The following DLGAP2 variants were observed in gnomAD, a reference collection of about 807,000 sequenced individuals.
DLGAP2 encodes DLG associated protein 2.
Under a neutral mutation model 100.3 loss-of-function variants are expected in DLGAP2, and 26 were observed. That is an observed-to-expected ratio of 0.26 (90% CI 0.19 to 0.36). The LOEUF (loss-of-function observed/expected upper bound fraction) is 0.36, where lower values mean the gene tolerates loss of function less well. Ranked by LOEUF, DLGAP2 falls within the 10% of genes least tolerant of loss-of-function variation. The pLI, the probability that DLGAP2 is intolerant of heterozygous loss-of-function variation, is 1.00. For synonymous variants in DLGAP2, 886 were observed against 630.1 expected (o/e 1.41, Z -6.08); for missense variants, 1,858 against 1,453.2 (o/e 1.28, Z -4.53).
At position 983,637 on chromosome 8, in the gene DLGAP2, T is replaced by A. The variant is rs1800405449; in HGVS notation, c.73+75671T>A. ...AAAAAGAGGTAGCATTTATTTTAATTTTTTTTAATTAAAAGAAGTTTTTGG... is the reference window on the plus strand; with the variant it reads ...AAAAAGAGGTAGCATTTATTTTAATATTTTTTAATTAAAAGAAGTTTTTGG... On this transcript the variant is annotated intron_variant, in intron 2 of 14. Coordinates refer to ENST00000637795, the MANE Select transcript of DLGAP2 (RefSeq NM_001346810.2). Among the ~76,000 whole-genome samples, 8 of 152,266 alleles carry A rather than the reference T, an allele frequency of 5.3e-5. No individual in the cohort carries two copies. The South Asian group carries it at 1.7e-3, about 32-fold the overall frequency.
In DLGAP2 at chr8:1,509,877, C is replaced by A. The variant is rs1584968737; in HGVS notation, c.172+8446C>A. On this transcript the variant is annotated intron_variant, in intron 4 of 14. Coordinates refer to ENST00000637795, the MANE Select transcript of DLGAP2 (RefSeq NM_001346810.2). The stretch of plus-strand genomic sequence containing the variant: ...ACGCTGTGACCAGGTAACCCAGCAT[C>A]ACCTGTCCAGGTTTAAAGGTGCATT... 2.0e-5 allele frequency among the ~76,000 whole-genome samples: 3 copies of A among 152,298 alleles called. No individual in the cohort carries two copies. The South Asian group carries it at 6.2e-4, about 32-fold the overall frequency.
chr8:1,168,944 G>A lies in DLGAP2; in HGVS notation c.74-89907G>A, dbSNP rs557488981. 6.4e-5 allele frequency among the ~76,000 whole-genome samples: 9 copies of A among 141,076 alleles called. No individual in the cohort carries two copies. In the East Asian group the frequency reaches 1.6e-3, roughly 26 times the overall value. The allele number at this position is 141,076 out of a possible 152,430, so 92.6% of individuals were successfully genotyped here. A position where few individuals can be genotyped will look rare whatever the true frequency, so the allele number is the denominator to read the frequency against. On this transcript the variant is annotated intron_variant, in intron 2 of 14. Coordinates refer to ENST00000637795, the MANE Select transcript of DLGAP2 (RefSeq NM_001346810.2). ...CCATTGCTTTTGGTGTTTTAGACATGAAGTCCTTGCCCATGCCTATGTCCT... is the reference window on the plus strand; with the variant it reads ...CCATTGCTTTTGGTGTTTTAGACATAAAGTCCTTGCCCATGCCTATGTCCT...
chr8:1,038,066 G>A (rs1397888831), intron 2 of DLGAP2, among the ~76,000 whole-genome samples: 1 of 152,228 alleles, frequency 6.6e-6, no homozygotes, highest in Non-Finnish European at 1.5e-5. Context: ...TTTGTCGTTG[G>A]TGTCCTCGGA....
chr8:1,572,179 G>T (rs1802739365), intron 6 of DLGAP2, among the ~76,000 whole-genome samples: 2 of 120,010 alleles, frequency 1.7e-5, no homozygotes, highest in Non-Finnish European at 1.7e-5. Flanking sequence ...GGGGGTGTCT[G>T]ATGAGATGGA....
chr8:800,887 C>G (rs1796137364), intron 1 of DLGAP2, among the ~76,000 whole-genome samples: 1 of 152,126 alleles, frequency 6.6e-6, no homozygotes, highest in South Asian at 2.1e-4. Context: ...CCCAGCAATC[C>G]CCGGCCGTGC....
chr8:1,639,413 C>G (rs573707301), intron 8 of DLGAP2, among the ~76,000 whole-genome samples: 1 of 152,110 alleles, frequency 6.6e-6, no homozygotes, highest in African/African-American at 2.4e-5. Context: ...AAGGCTGCTG[C>G]GAGGCCTGAA....
At chr8:1,483,167 G>C (rs1428928390) in intron 3 of DLGAP2, among the ~76,000 whole-genome samples, 1 of 152,206 alleles carries the variant, frequency 6.6e-6, no homozygotes, top group African/African-American at 2.4e-5. Flanking sequence ...CGTTTGCAGG[G>C]AGTGATCTGT....
intron 2 of DLGAP2, among the ~76,000 whole-genome samples, chr8:1,230,147 A>C (rs1798505214): frequency 6.6e-6 from 1 of 152,226 alleles, no homozygotes; most frequent in Non-Finnish European, 1.5e-5. Flanking sequence ...TGGAACTGAT[A>C]AAGAAAATTT....
intron 3 of DLGAP2, among the ~76,000 whole-genome samples, chr8:1,355,446 C>A (rs1265190233): frequency 1.3e-5 from 2 of 152,086 alleles, no homozygotes; most frequent in African/African-American, 4.8e-5. Flanking sequence ...CTCACTGCAA[C>A]CTCCACCTCC....
chr8:1,561,139 T>A (rs968087724), intron 5 of DLGAP2, among the ~76,000 whole-genome samples: 1 of 152,092 alleles, frequency 6.6e-6, no homozygotes, highest in Non-Finnish European at 1.5e-5. Context: ...CTGCACACAC[T>A]CTCTTGCCTG....
At position 990,365 on chromosome 8, in the gene DLGAP2, AC is replaced by A. The variant is rs1251266270; in HGVS notation, c.73+82404del. On this transcript the variant is annotated intron_variant, in intron 2 of 14. Transcript: ENST00000637795. ...TGTTCTTCTCTCCCTCCTTGCCCGG[AC>A]CCCCTGCACCCCCATACTCGGAGTT... Among the ~76,000 whole-genome samples the A allele has an allele frequency of 1.4e-3, 135 of 94,324 alleles. 5 individuals carry two copies. The highest frequency in any genetic ancestry group is 5.3e-3 in the African/African-American group (122 of 22,918). 61.9% of individuals were successfully genotyped at this position (94,324 alleles called of 152,430 possible).
intron 3 of DLGAP2, among the ~76,000 whole-genome samples, chr8:1,310,084 A>T (rs1800580472): frequency 6.6e-6 from 1 of 151,414 alleles, no homozygotes. Context: ...AAAAGATGAA[A>T]CCTGCGACAG....
intron 1 of DLGAP2, among the ~76,000 whole-genome samples, chr8:848,297 C>T (rs1048152425): frequency 7.9e-5 from 12 of 151,578 alleles, no homozygotes; most frequent in Non-Finnish European, 1.2e-4. Context: ...AATATAGAAA[C>T]GTGCGGTGCC....
rs797006001 is a variant in DLGAP2, at chr8:1,703,149, G to A, written c.*1743G>A. On this transcript the variant is annotated 3_prime_UTR_variant, in exon 15 of 15. Transcript: ENST00000637795. ...ATATTAAAGCATGTTTAGCTTCGAA[G>A]TTTTACTTTTTTAAAGCTGAGTAGT... 7 of 152,704 alleles carry A rather than the reference G, an allele frequency of 4.6e-5. No individual in the cohort carries two copies. Among genetic ancestry groups the A allele is most frequent in the African/African-American group, 1.7e-4 (7 of 41,560 alleles). 9.5% of individuals were successfully genotyped at this position (152,704 alleles called of 1,614,324 possible). A position where few individuals can be genotyped will look rare whatever the true frequency, so the allele number is the denominator to read the frequency against.
intron 4 of DLGAP2, among the ~76,000 whole-genome samples, chr8:1,543,393 A>T (rs1234213226): frequency 6.6e-6 from 1 of 152,164 alleles, no homozygotes; most frequent in African/African-American, 2.4e-5. Context: ...GGTTAAATTC[A>T]TTGTTTGGTG....
At chr8:1,520,149 T>C (rs559087157) in intron 4 of DLGAP2, among the ~76,000 whole-genome samples, 2 of 152,304 alleles carry the variant, frequency 1.3e-5, no homozygotes, top group Admixed American at 1.3e-4. Context: ...ATGAACATGT[T>C]AGTGATTATC....
At chr8:870,389 A>G (rs1225885239) in intron 1 of DLGAP2, among the ~76,000 whole-genome samples, 2 of 152,128 alleles carry the variant, frequency 1.3e-5, no homozygotes, top group Non-Finnish European at 2.9e-5. Context: ...GTTCCCTCCC[A>G]GGACCCTAAA....
chr8:1,656,924 A>T (rs1225868437), intron 8 of DLGAP2, among the ~76,000 whole-genome samples: 1 of 152,088 alleles, frequency 6.6e-6, no homozygotes, highest in African/African-American at 2.4e-5. Context: ...CAAAATCCAA[A>T]CCAATTCAGT....
At chr8:823,315 T>C (rs1796623351) in intron 1 of DLGAP2, among the ~76,000 whole-genome samples, 1 of 83,466 alleles carries the variant, frequency 1.2e-5, no homozygotes, top group Non-Finnish European at 2.6e-5. Context: ...GAATTCATTA[T>C]TATTATTATT....
Sources: allele counts gnomAD v4.1 joint callset (sites outside exome capture counted in the v4.1 genomes callset), GRCh38; gene constraint gnomAD v4.1.1; transcripts MANE v1.5; gene names NCBI Gene and HGNC (gene_info 2026-07-23, HGNC 2026-07-21).